The following RPS6KA2 variants were observed in gnomAD, a reference collection of about 807,000 sequenced individuals.
RPS6KA2 encodes ribosomal protein S6 kinase alpha-2.
Under a neutral mutation model 91.8 loss-of-function variants are expected in RPS6KA2, and 42 were observed. The observed-to-expected ratio is 0.46, with a 90% CI of 0.36 to 0.59. RPS6KA2 has a LOEUF of 0.59. RPS6KA2 is among the 20% of genes least tolerant of loss of function. The pLI is 0.00. For synonymous variants in RPS6KA2, 414 were observed against 393.6 expected (o/e 1.05, Z -0.61); for missense variants, 798 against 978.5 (o/e 0.82, Z 2.46).
At chr6:166,589,586 T>C (rs973304360) in intron 1 of RPS6KA2, among the ~76,000 whole-genome samples, 2 of 152,226 alleles carry the variant, frequency 1.3e-5, no homozygotes, top group Admixed American at 6.5e-5. Context: ...CTTAGGTATT[T>C]TACCCTCATT....
In RPS6KA2 at chr6:166,719,042, T is replaced by G. The variant is rs144136991; in HGVS notation, c.123+139158A>C. On this transcript the variant is annotated intron_variant, in intron 2 of 21. Transcript: ENST00000503859. ...CAGCCGGCAAACTTTTCTCTACATG[T>G]ACAGGTAGCAAACATTTTTGGGGCC... Among the ~76,000 whole-genome samples, 190 of 152,344 alleles carry G rather than the reference T, an allele frequency of 1.2e-3. 2 individuals are homozygous for G. In the East Asian group the frequency reaches 0.025, roughly 20 times the overall value.
chr6:166,547,481 A>G (rs1783864527), intron 1 of RPS6KA2, among the ~76,000 whole-genome samples: 1 of 152,234 alleles, frequency 6.6e-6, no homozygotes, highest in Admixed American at 6.5e-5. Context: ...CCAACTGGTC[A>G]TGCACGGTGT....
chr6:166,854,181 T>C (rs1780825385), intron 2 of RPS6KA2, among the ~76,000 whole-genome samples: 1 of 152,150 alleles, frequency 6.6e-6, no homozygotes. Flanking sequence ...GAGGAGGCCG[T>C]TCCCTCAGCA....
rs1327903734 is a variant in RPS6KA2 at position 166,494,406 on chromosome 6, T to C, written c.748-3665A>G. On this transcript the variant is annotated intron_variant, in intron 8 of 20. Transcript: ENST00000265678. The surrounding 1 kb of genome is among the most constrained non-coding windows in gnomAD (Gnocchi z 5.1). ...AGCTCAGAACCATCCGTGTTTGCTA[T>C]GGTGGCATAAGGACACATCACATGG... Among the ~76,000 whole-genome samples the C allele has an allele frequency of 6.6e-6, 1 of 152,218 alleles. No individual in the cohort carries two copies. The highest frequency in any genetic ancestry group is 1.5e-5 in the Non-Finnish European group (1 of 68,036).
intron 2 of RPS6KA2, among the ~76,000 whole-genome samples, chr6:166,809,825 C>T (rs1372978873): frequency 1.3e-5 from 2 of 152,198 alleles, no homozygotes; most frequent in Non-Finnish European, 2.9e-5. Context: ...AACTTCATTC[C>T]TGAGAACGTG....
chr6:166,838,370 G>A (rs2128628884), intron 2 of RPS6KA2, among the ~76,000 whole-genome samples: 1 of 152,306 alleles, frequency 6.6e-6, no homozygotes, highest in Non-Finnish European at 1.5e-5. Flanking sequence ...ATAGCATTGT[G>A]CTTATGGAGG....
intron 1 of RPS6KA2, among the ~76,000 whole-genome samples, chr6:166,588,066 A>G (rs1785238875): frequency 6.6e-6 from 1 of 152,236 alleles, no homozygotes; most frequent in South Asian, 2.1e-4. Context: ...CATGAACTAA[A>G]AGTGAACTTC....
intron 1 of RPS6KA2, among the ~76,000 whole-genome samples, chr6:166,622,461 A>G (rs1786678492): frequency 6.6e-6 from 1 of 152,222 alleles, no homozygotes; most frequent in Non-Finnish European, 1.5e-5. Flanking sequence ...AATTAAGATA[A>G]ACATAATTTC....
At chr6:166,604,866 G>A (rs1048158904) in intron 1 of RPS6KA2, among the ~76,000 whole-genome samples, 3 of 152,138 alleles carry the variant, frequency 2.0e-5, no homozygotes, top group African/African-American at 2.4e-5. Context: ...CCTAAAATAC[G>A]AATGAGACTA....
Position 166,849,147 on chromosome 6 carries a change from C to G in RPS6KA2, c.123+9053G>C, listed in dbSNP as rs1341026161. On this transcript the variant is annotated intron_variant, in intron 2 of 21. Coordinates refer to the RPS6KA2 transcript ENST00000503859. The surrounding 1 kb of genome is among the most constrained non-coding windows in gnomAD (Gnocchi z 4.9). ...CCAGCTGAGGCTTCCTTGGTCCGGC[C>G]ATGCCAGGGTCTGTCTGTCTGTCTG... Among the ~76,000 whole-genome samples, 1 of 151,298 alleles carries G rather than the reference C, an allele frequency of 6.6e-6. No homozygotes were observed. The highest frequency in any genetic ancestry group is 6.6e-5 in the Admixed American group (1 of 15,184).
Position 166,538,795 on chromosome 6 carries a change from G to C in RPS6KA2, c.100-11C>G. 6.8e-7 allele frequency: 1 copy of C among 1,467,920 alleles called. No individual in the cohort carries two copies. The highest frequency in any genetic ancestry group is 9.5e-7 in the Non-Finnish European group (1 of 1,047,700). The allele number at this position is 1,467,920 out of a possible 1,614,324, so 90.9% of individuals were successfully genotyped here. A position where few individuals can be genotyped will look rare whatever the true frequency, so the allele number is the denominator to read the frequency against. ...CACGACGCCTTCTTCCTGCAAGAGAGCGGCACGGGTGAGAAACACACCGCG... is the reference window on the plus strand; with the variant it reads ...CACGACGCCTTCTTCCTGCAAGAGACCGGCACGGGTGAGAAACACACCGCG... On this transcript the variant is annotated splice_polypyrimidine_tract_variant and intron_variant, in intron 1 of 20. Transcript: ENST00000265678.
chr6:166,538,600 G>C, intron 2 of RPS6KA2, 68 bp downstream of exon 2: 1 of 875,840 alleles, frequency 1.1e-6, no homozygotes, highest in Non-Finnish European at 1.9e-6. Flanking sequence ...TTTCATCCAG[G>C]GGGGCTCTGT....
At position 166,524,102 on chromosome 6, in the gene RPS6KA2, G is replaced by A. The variant is rs556670835; in HGVS notation, c.298+7130C>T. On this transcript the variant is annotated intron_variant, in intron 3 of 20. Transcript: ENST00000265678. ...CATGAGAGTGACCCACCACACAGCTGCCAAAAACACACACCAGCATAACCA... is the reference window on the plus strand; with the variant it reads ...CATGAGAGTGACCCACCACACAGCTACCAAAAACACACACCAGCATAACCA... Among the ~76,000 whole-genome samples, 30 of 152,296 alleles carry A rather than the reference G, an allele frequency of 2.0e-4. No homozygotes were observed. In the South Asian group the frequency reaches 5.8e-3, roughly 29 times the overall value.
intron 2 of RPS6KA2, among the ~76,000 whole-genome samples, chr6:166,781,697 G>A (rs996668669): frequency 6.6e-6 from 1 of 152,212 alleles, no homozygotes; most frequent in Non-Finnish European, 1.5e-5. Flanking sequence ...GAACCTTCCT[G>A]AGGACAGATG....
At chr6:166,606,928 G>A (rs1785974463) in intron 1 of RPS6KA2, among the ~76,000 whole-genome samples, 1 of 152,162 alleles carries the variant, frequency 6.6e-6, no homozygotes, top group Admixed American at 6.5e-5. Context: ...ATCACCTGAG[G>A]TCAGGAGTTT....
chr6:166,495,345 C>T lies in RPS6KA2; in HGVS notation c.747+3163G>A, dbSNP rs147813864. Among the ~76,000 whole-genome samples, 1 of 152,176 alleles carries T rather than the reference C, an allele frequency of 6.6e-6. No individual in the cohort carries two copies. Among genetic ancestry groups the T allele is most frequent in the African/African-American group, 2.4e-5 (1 of 41,408 alleles). ...AGCCGGACCCCTTCCCCAGCTGTCA[C>T]GAGACATTGAATGCGGGACGATCCC... On this transcript the variant is annotated intron_variant, in intron 8 of 20. Coordinates refer to ENST00000265678, the MANE Select transcript of RPS6KA2 (RefSeq NM_021135.6). The surrounding 1 kb of genome is among the most constrained non-coding windows in gnomAD (Gnocchi z 4.4).
intron 19 of RPS6KA2, among the ~76,000 whole-genome samples, chr6:166,417,620 TACACACACACAC>T (rs10568123): frequency 1.1e-4 from 16 of 148,492 alleles, no homozygotes; most frequent in South Asian, 6.4e-4. Flanking sequence ...TCTCTCTCTA[TACACACACACAC>T]ACACACACAC....
chr6:166,820,777 C>T (rs948075263), intron 2 of RPS6KA2, among the ~76,000 whole-genome samples: 6 of 152,206 alleles, frequency 3.9e-5, no homozygotes, highest in African/African-American at 1.4e-4. Context: ...TTTTAAACTG[C>T]ATTTGTTATA....
At chr6:166,738,848 T>G (rs1790737341) in intron 2 of RPS6KA2, among the ~76,000 whole-genome samples, 1 of 152,128 alleles carries the variant, frequency 6.6e-6, no homozygotes, top group Admixed American at 6.5e-5. Context: ...TCCAGAGACA[T>G]TAGAGGCCAT....
Sources: allele counts gnomAD v4.1 joint callset (sites outside exome capture counted in the v4.1 genomes callset), GRCh38; gene constraint gnomAD v4.1.1; non-coding constraint Gnocchi (gnomAD v3.1); transcripts MANE v1.5; gene names NCBI Gene and HGNC (gene_info 2026-07-23, HGNC 2026-07-21).